Variants in SERPINE3 observed in about 807,000 individuals in gnomAD.
SERPINE3 encodes serpin family E member 3, also known as serpin E3.
In SERPINE3, 43 loss-of-function variants were observed where a neutral mutation model predicts 41.7. The ratio of observed to expected loss-of-function variants is 1.03; its 90% confidence interval spans 0.81 to 1.33. SERPINE3 has a LOEUF of 1.33. SERPINE3 is among the 40% of genes most tolerant of loss of function. The pLI is 0.00. For synonymous variants in SERPINE3, 200 were observed against 192.2 expected (o/e 1.04, Z -0.34); for missense variants, 440 against 491.7 (o/e 0.89, Z 0.99).
intron 7 of SERPINE3, among the ~76,000 whole-genome samples, chr13:51,355,528 T>G (rs1201323970): frequency 6.6e-6 from 1 of 152,094 alleles, no homozygotes; most frequent in Non-Finnish European, 1.5e-5. Flanking sequence ...TACACCCTTT[T>G]CCTCCCTCCT....
intron 7 of SERPINE3, among the ~76,000 whole-genome samples, chr13:51,357,674 C>T (rs12428053): frequency 6.6e-6 from 1 of 151,932 alleles, no homozygotes; most frequent in Admixed American, 6.6e-5. Context: ...AGTTCCCCCC[C>T]AGTCTCCTTG....
chr13:51,340,680 T>C lies in SERPINE3; in HGVS notation c.-95-104T>C, dbSNP rs149046028. On this transcript the variant is annotated intron_variant, in intron 1 of 9. Transcript: ENST00000681248. ...GATAATTATTTATTATTATTCCTGA[T>C]AGACACAGCACAGCTATAAGCTGAC... 1,377 of 184,740 alleles carry C rather than the reference T, an allele frequency of 7.5e-3. 21 individuals carry two copies. The highest frequency in any genetic ancestry group is 0.03 in the African/African-American group (1,263 of 42,720). 11.4% of individuals were successfully genotyped at this position (184,740 alleles called of 1,614,324 possible).
At chr13:51,343,395 C>T (rs529535531) in intron 3 of SERPINE3, among the ~76,000 whole-genome samples, 14 of 152,280 alleles carry the variant, frequency 9.2e-5, no homozygotes, top group African/African-American at 2.9e-4. Flanking sequence ...CAAGAGCCCT[C>T]GTTCCAGCTA....
At chr13:51,358,742 A>C (rs549274317) in intron 7 of SERPINE3, among the ~76,000 whole-genome samples, 1 of 152,244 alleles carries the variant, frequency 6.6e-6, no homozygotes, top group South Asian at 2.1e-4. Flanking sequence ...GTAAAAACCC[A>C]TAGAAGATGT....
intron 4 of SERPINE3, among the ~76,000 whole-genome samples, chr13:51,345,851 C>T (rs112400395): frequency 3.6e-4 from 55 of 152,340 alleles, no homozygotes; most frequent in Non-Finnish European, 5.9e-4. Context: ...GCTGATTGTC[C>T]TCTAAGAAAA....
intron 6 of SERPINE3, 62 bp from the exon 7 acceptor site, chr13:51,354,981 G>A: frequency 1.3e-6 from 1 of 791,208 alleles, no homozygotes; most frequent in Non-Finnish European, 2.1e-6. Context: ...ACTTCATGTG[G>A]TGTGTATGAA....
At chr13:51,364,141 C>T in intron 9 of SERPINE3, 98 bp from the exon 10 acceptor site, 1 of 531,288 alleles carries the variant, frequency 1.9e-6, no homozygotes. Flanking sequence ...TAAATGTTAT[C>T]TTGCATTACT....
Position 51,364,312 on chromosome 13 carries a change from T to A in SERPINE3, c.*30T>A. The A allele has an allele frequency of 7.6e-7, 1 of 1,321,226 alleles. No homozygotes were observed. Among genetic ancestry groups the A allele is most frequent in the Non-Finnish European group, 1.0e-6 (1 of 968,294 alleles). 81.8% of individuals were successfully genotyped at this position (1,321,226 alleles called of 1,614,324 possible). ...ATGTTCTCCACTTTCATCAATGCTT[T>A]TCTTCATAAAGTTATAATTTCATTT... On this transcript the variant is annotated 3_prime_UTR_variant, in exon 10 of 10. Transcript: ENST00000681248.
At chr13:51,352,201 T>C (rs1955410513) in intron 6 of SERPINE3, among the ~76,000 whole-genome samples, 1 of 152,100 alleles carries the variant, frequency 6.6e-6, no homozygotes, top group African/African-American at 2.4e-5. Context: ...ATTTGGTGAG[T>C]ATTACTTTCT....
At position 51,348,424 on chromosome 13, in the gene SERPINE3, G is replaced by A. The variant is rs778650475; in HGVS notation, c.899+13G>A. ...TGTTCCTGCCCAGGTGAGCAGCTGA[G>A]TCCCCCTCACAGGTGCTGTGCAGCC... On this transcript the variant is annotated intron_variant, in intron 6 of 9. Transcript: ENST00000681248. 1.2e-6 allele frequency: 2 copies of A among 1,610,010 alleles called. No homozygotes were observed. Among genetic ancestry groups the A allele is most frequent in the Non-Finnish European group, 1.7e-6 (2 of 1,178,332 alleles).
Position 51,341,491 on chromosome 13 carries a change from C to T in SERPINE3, c.256+144C>T. On this transcript the variant is annotated intron_variant, in intron 3 of 9. Transcript: ENST00000681248. The stretch of plus-strand genomic sequence containing the variant: ...CTCACACTCACTCTCTCCAGCTCAC[C>T]CTGCTGCTCAGGCTACCTGGGAGAT... The T allele has an allele frequency of 3.6e-6, 3 of 840,440 alleles. No individual in the cohort carries two copies. In the South Asian group the frequency reaches 5.3e-5, roughly 15 times the overall value. 52.1% of individuals were successfully genotyped at this position (840,440 alleles called of 1,614,324 possible).
At chr13:51,350,564 C>T (rs1041250347) in intron 6 of SERPINE3, among the ~76,000 whole-genome samples, 1 of 152,126 alleles carries the variant, frequency 6.6e-6, no homozygotes, top group African/African-American at 2.4e-5. Context: ...GAGTTTTGCC[C>T]TTCCTCCCAG....
chr13:51,350,390 A>G (rs1955392945), intron 6 of SERPINE3, among the ~76,000 whole-genome samples: 1 of 152,218 alleles, frequency 6.6e-6, no homozygotes, highest in African/African-American at 2.4e-5. Context: ...TTATAACCAC[A>G]ATCATATGAT....
At chr13:51,348,889 A>C (rs1172287740) in intron 6 of SERPINE3, among the ~76,000 whole-genome samples, 1 of 71,506 alleles carries the variant, frequency 1.4e-5, no homozygotes, top group Non-Finnish European at 2.5e-5. Context: ...AAATTAAGGC[A>C]TAAAATTTTG....
chr13:51,353,946 G>A (rs1284015711), intron 6 of SERPINE3: 2 of 152,040 alleles, frequency 1.3e-5, no homozygotes, highest in Non-Finnish European at 2.9e-5. Context: ...ATTTTTAAAT[G>A]CCTTGTCCCT....
intron 4 of SERPINE3, among the ~76,000 whole-genome samples, chr13:51,346,501 T>G (rs1271584531): frequency 6.6e-6 from 1 of 152,108 alleles, no homozygotes; most frequent in Admixed American, 6.5e-5. Flanking sequence ...CAGCTGGTTA[T>G]AAACACATAT....
intron 4 of SERPINE3, among the ~76,000 whole-genome samples, chr13:51,346,335 C>A (rs1054283841): frequency 6.6e-6 from 1 of 151,982 alleles, no homozygotes; most frequent in African/African-American, 2.4e-5. Context: ...GGACTGGGGG[C>A]GACAATGTGC....
At chr13:51,359,804 T>G (rs2137822059) in intron 7 of SERPINE3, among the ~76,000 whole-genome samples, 1 of 152,212 alleles carries the variant, frequency 6.6e-6, no homozygotes, top group South Asian at 2.1e-4. Flanking sequence ...TCTTTGTAAC[T>G]TTGGCACTGC....
chr13:51,355,023 GGTTT>G lies in SERPINE3; in HGVS notation c.900-15_900-12del. 1.6e-6 allele frequency: 2 copies of G among 1,236,816 alleles called. No homozygotes were observed. The highest frequency in any genetic ancestry group is 2.3e-6 in the Non-Finnish European group (2 of 862,222). 76.6% of individuals were successfully genotyped at this position (1,236,816 alleles called of 1,614,324 possible). A position where few individuals can be genotyped will look rare whatever the true frequency, so the allele number is the denominator to read the frequency against. On this transcript the variant is annotated splice_polypyrimidine_tract_variant and intron_variant, in intron 6 of 9. Coordinates refer to ENST00000681248, the MANE Select transcript of SERPINE3 (RefSeq NM_001386375.1). ...TTGAGTGAGAATTTTGAAAGTTGATGGTTTGTTTTTGCCTTTTAGGTTTAGGATC... is the reference window on the plus strand; with the variant it reads ...TTGAGTGAGAATTTTGAAAGTTGATGGTTTTTGCCTTTTAGGTTTAGGATC...
Sources: allele counts gnomAD v4.1 joint callset (sites outside exome capture counted in the v4.1 genomes callset), GRCh38; gene constraint gnomAD v4.1.1; transcripts MANE v1.5; gene names NCBI Gene and HGNC (gene_info 2026-07-23, HGNC 2026-07-21).